POC1B: variants seen among roughly 807,000 people sequenced by gnomAD.
POC1B encodes the protein POC1 centriolar protein homolog B.
A neutral mutation model predicts 60.6 loss-of-function variants in POC1B; 44 were observed. That is an observed-to-expected ratio of 0.73 (90% confidence interval 0.57 to 0.93). The LOEUF (loss-of-function observed/expected upper bound fraction) is 0.93. Ranked by LOEUF, POC1B falls within the 40% of genes least tolerant of loss-of-function variation. The pLI, the probability that POC1B is intolerant of heterozygous loss-of-function variation, is 0.00. For missense variants in POC1B, 555 were observed against 572.3 expected (o/e 0.97, Z 0.31); for synonymous variants, 180 against 198.9 (o/e 0.90, Z 0.80).
chr12:89,477,153 T>G (rs1053687521), intron 4 of POC1B, among the ~76,000 whole-genome samples: 11 of 152,178 alleles, frequency 7.2e-5, no homozygotes, highest in Admixed American at 5.9e-4. Flanking sequence ...CTCTAAAAAT[T>G]TGGCAGTCTC....
chr12:89,464,737 C>T (rs1382045558), intron 9 of POC1B, among the ~76,000 whole-genome samples: 2 of 150,424 alleles, frequency 1.3e-5, no homozygotes, highest in African/African-American at 2.4e-5. Context: ...CCGCCCACCT[C>T]GGCCTTCCAA....
At chr12:89,503,533 C>A (rs1237724454) in intron 2 of POC1B, among the ~76,000 whole-genome samples, 1 of 152,184 alleles carries the variant, frequency 6.6e-6, no homozygotes, top group Non-Finnish European at 1.5e-5. Context: ...TGCCTGGCTG[C>A]CACCCCGTCT....
chr12:89,461,136 AAAAAAAAAATTGC>A (rs1381164049), intron 9 of POC1B: 1 of 152,108 alleles, frequency 6.6e-6, no homozygotes, highest in Non-Finnish European at 1.5e-5. Context: ...ATGAGCTAAA[AAAAAAAAAATTGC>A]AAAAATATCT....
chr12:89,486,236 C>A (rs1030494138), intron 4 of POC1B, among the ~76,000 whole-genome samples: 2 of 152,030 alleles, frequency 1.3e-5, no homozygotes, highest in African/African-American at 4.8e-5. Flanking sequence ...ACTTGTAATT[C>A]GAAGTCTAAT....
intron 2 of POC1B, among the ~76,000 whole-genome samples, chr12:89,517,520 C>T (rs1039739146): frequency 1.3e-5 from 2 of 152,008 alleles, no homozygotes; most frequent in African/African-American, 4.8e-5. Flanking sequence ...ATAGTCCCAG[C>T]TACTTGGGAG....
chr12:89,485,313 T>A (rs1436544115), intron 4 of POC1B: 4 of 152,188 alleles, frequency 2.6e-5, no homozygotes, highest in Non-Finnish European at 5.9e-5. Flanking sequence ...CCTCCAGACA[T>A]TGGTCTAAAC....
intron 2 of POC1B, chr12:89,502,818 T>A: frequency 1.0e-5 from 14 of 1,335,980 alleles, no homozygotes; most frequent in Non-Finnish European, 1.4e-5. Flanking sequence ...TCGTGTACTT[T>A]ACACGAAATA....
chr12:89,403,858 C>G, the POC1B span, among the ~76,000 whole-genome samples: 1 of 152,170 alleles, frequency 6.6e-6, no homozygotes, highest in African/African-American at 2.4e-5. Context: ...GTTGGCCGGG[C>G]GCAGTGGCCC....
intron 4 of POC1B, among the ~76,000 whole-genome samples, chr12:89,478,867 A>C (rs1883214713): frequency 6.6e-6 from 1 of 152,218 alleles, no homozygotes; most frequent in Non-Finnish European, 1.5e-5. Context: ...AGACTCGGAA[A>C]AGTTCTCTAC....
At position 89,525,736 on chromosome 12, in the gene POC1B, G is replaced by C. The variant is rs1391930431; in HGVS notation, c.15+145C>G. ...CCCCGATGGCAGAGAGTGAGATACGGACGCCCCGGGACGAGGGGCTCAGGA... is the reference window on the plus strand; with the variant it reads ...CCCCGATGGCAGAGAGTGAGATACGCACGCCCCGGGACGAGGGGCTCAGGA... On this transcript the variant is annotated intron_variant, in intron 1 of 11. Transcript: ENST00000313546. 4 of 1,287,022 alleles carry C rather than the reference G, an allele frequency of 3.1e-6. No homozygotes were observed. In the African/African-American group the frequency reaches 6.1e-5, roughly 20 times the overall value. 79.7% of individuals were successfully genotyped at this position (1,287,022 alleles called of 1,614,324 possible).
At chr12:89,403,296 C>A in the POC1B span, among the ~76,000 whole-genome samples, 2 of 152,188 alleles carry the variant, frequency 1.3e-5, no homozygotes, top group Non-Finnish European at 2.9e-5. Flanking sequence ...CGTGAGCCAC[C>A]ACGCCCAGCC....
At position 89,501,983 on chromosome 12, in the gene POC1B, A is replaced by T. The variant is rs571295416; in HGVS notation, c.101-4641T>A. On this transcript the variant is annotated intron_variant, in intron 2 of 11. Coordinates refer to ENST00000313546, the MANE Select transcript of POC1B (RefSeq NM_172240.3). ...GAAAGTGATGAGGCAGACTTGGCTAAGAGGAAAAATCTGGATTGTTCTAGA... is the reference window on the plus strand; with the variant it reads ...GAAAGTGATGAGGCAGACTTGGCTATGAGGAAAAATCTGGATTGTTCTAGA... 11 of 976,540 alleles carry T rather than the reference A, an allele frequency of 1.1e-5. No homozygotes were observed. In the African/African-American group the frequency reaches 1.4e-4, roughly 13 times the overall value. The allele number at this position is 976,540 out of a possible 1,614,324, so 60.5% of individuals were successfully genotyped here. A position where few individuals can be genotyped will look rare whatever the true frequency, so the allele number is the denominator to read the frequency against.
At chr12:89,501,516 T>C in intron 2 of POC1B, 8 of 1,015,170 alleles carry the variant, frequency 7.9e-6, no homozygotes, top group South Asian at 3.1e-5. Flanking sequence ...TGGGAAATGA[T>C]TGTGCTTCCA....
intron 2 of POC1B, among the ~76,000 whole-genome samples, chr12:89,511,207 G>C (rs1870169948): frequency 6.6e-6 from 1 of 151,874 alleles, no homozygotes; most frequent in Non-Finnish European, 1.5e-5. Flanking sequence ...TAGATCACCT[G>C]AGGTCAGGAG....
In POC1B at chr12:89,523,660, C is replaced by T. The variant is rs184795006; in HGVS notation, c.100+1460G>A. 2,854 of 1,537,580 alleles carry T rather than the reference C, an allele frequency of 1.9e-3. 15 individuals carry two copies. Among genetic ancestry groups the T allele is most frequent in the Non-Finnish European group, 1.4e-3 (1,620 of 1,148,424 alleles). ...TCTGATGGGGTCAATTCTTGATATC[C>T]GCCTGTCCCTTTCCTGTTTGGGGAC... On this transcript the variant is annotated intron_variant, in intron 2 of 11. Coordinates refer to ENST00000313546, the MANE Select transcript of POC1B (RefSeq NM_172240.3).
At chr12:89,525,442 C>G in intron 1 of POC1B, 1 of 1,376,914 alleles carries the variant, frequency 7.3e-7, no homozygotes, top group Non-Finnish European at 9.3e-7. Context: ...TTCGCGCTTC[C>G]CAGAGTCCAG....
chr12:89,478,077 ACATTCATTCATTCATTCATT>A (rs3990284), intron 4 of POC1B, among the ~76,000 whole-genome samples: 104 of 149,032 alleles, frequency 7.0e-4, no homozygotes, highest in Middle Eastern at 3.4e-3. Flanking sequence ...GCCCACAACC[ACATTCATTCATTCATTCATT>A]CATTCATTCA....
intron 1 of POC1B, 89 bp from the exon 2 acceptor site, chr12:89,525,293 G>A: frequency 6.7e-7 from 1 of 1,496,904 alleles, no homozygotes; most frequent in South Asian, 1.3e-5. Context: ...CCCGGAGTCC[G>A]GCTTGGGAAT....
At chr12:89,469,265 TA>T (rs1882798843) in intron 7 of POC1B, among the ~76,000 whole-genome samples, 1 of 151,906 alleles carries the variant, frequency 6.6e-6, no homozygotes, top group Admixed American at 6.6e-5. Context: ...ATCTCAAAAA[TA>T]AAGAAATAAT....
Sources: allele counts gnomAD v4.1 joint callset (sites outside exome capture counted in the v4.1 genomes callset), GRCh38; gene constraint gnomAD v4.1.1; transcripts MANE v1.5; gene names NCBI Gene and HGNC (gene_info 2026-07-23, HGNC 2026-07-21).